Variants in OXER1 observed in about 807,000 individuals in gnomAD.
The protein encoded by OXER1 is 5-oxo-ETE G-protein coupled receptor.
For synonymous variants in OXER1, 258 were observed against 245.8 expected, an observed-to-expected ratio of 1.05 and a Z score of -0.47; for missense variants, 587 against 551.7, an observed-to-expected ratio of 1.06 and a Z score of -0.64.
chr2:42,763,513 G>A lies in OXER1; in HGVS notation c.667C>T (p.Leu223Phe). 1.9e-6 allele frequency: 3 copies of A among 1,552,756 alleles called. No homozygotes were observed. The highest frequency in any genetic ancestry group is 1.7e-6 in the Non-Finnish European group (2 of 1,147,908). The change falls in exon 1 of 1, where the codon CTC (leucine) becomes TTC (phenylalanine). Residue 223 changes from leucine to phenylalanine, a missense_variant. By Grantham distance (22) the Leu-to-Phe change is conservative (BLOSUM62 0). Coordinates refer to ENST00000378661, the Ensembl canonical transcript of OXER1. The surrounding 1 kb of genome is among the most constrained non-coding windows in gnomAD (Gnocchi z 4.4). Reference sequence around the variant, plus strand: ...GTGCTCAGGAGCAGGTGCCCGTTGAGGAGCAGGATGCCCACCCAGAGTCCC... The same window carrying A: ...GTGCTCAGGAGCAGGTGCCCGTTGAAGAGCAGGATGCCCACCCAGAGTCCC...
chr2:42,763,470 C>T lies in OXER1; in HGVS notation c.710G>A (p.Cys237Tyr), dbSNP rs1305865354. Residue 237 changes from cysteine to tyrosine, a missense_variant, in exon 1 of 1, where the codon TGC (cysteine) becomes TAC (tyrosine). By Grantham distance (194) the Cys-to-Tyr change is radical. Coordinates refer to ENST00000378661, the Ensembl canonical transcript of OXER1. This position sits in a 1 kb window ranked among gnomAD's most constrained non-coding sequence, Gnocchi z 4.4. ...CTTCGTGCCCACCCTGTAGCTGAGGCAGGAGGGGCCGGAGAAGGTGCTCAG... is the reference window on the plus strand; with the variant it reads ...CTTCGTGCCCACCCTGTAGCTGAGGTAGGAGGGGCCGGAGAAGGTGCTCAG... 1 of 1,559,702 alleles carries T rather than the reference C, an allele frequency of 6.4e-7. No homozygotes were observed. The highest frequency in any genetic ancestry group is 8.7e-7 in the Non-Finnish European group (1 of 1,152,034).
rs1670530647 is a variant in OXER1, at chr2:42,763,421, G to C, written c.759C>G (p.His253Gln). 4 of 1,587,060 alleles carry C rather than the reference G, an allele frequency of 2.5e-6. No homozygotes were observed. The highest frequency in any genetic ancestry group is 1.1e-5 in the South Asian group (1 of 88,020). ...AGAACTCCAGCAGGTACAGTGCCTGGTGCCAGCGGAGCGAGGCCGAGGGCT... is the reference window on the plus strand; with the variant it reads ...AGAACTCCAGCAGGTACAGTGCCTGCTGCCAGCGGAGCGAGGCCGAGGGCT... The change falls in exon 1 of 1, where the codon CAC becomes CAG. Residue 253 changes from histidine (H) to glutamine (Q), a missense_variant. His to Gln is a conservative substitution (Grantham distance 24). Transcript: ENST00000378661. The surrounding 1 kb of genome is among the most constrained non-coding windows in gnomAD (Gnocchi z 4.4).
rs370219570 is a variant in OXER1 at position 42,763,993 on chromosome 2, G to A, written c.187C>T (p.Pro63Ser). Residue 63 changes from proline (P) to serine (S), a missense_variant, in exon 1 of 1, where the codon CCC becomes TCC. Coordinates refer to ENST00000378661, the Ensembl canonical transcript of OXER1. The surrounding 1 kb of genome is among the most constrained non-coding windows in gnomAD (Gnocchi z 4.4). ...GCAGAGGGAGCAGAGGAGGGTGAGG[G>A]AGAGAAGGAGGGAGGGAGAACAGAG... 1 of 1,613,688 alleles carries A rather than the reference G, an allele frequency of 6.2e-7. No homozygotes were observed. Among genetic ancestry groups the A allele is most frequent in the Non-Finnish European group, 8.5e-7 (1 of 1,179,936 alleles).
In OXER1 at chr2:42,762,973, C is replaced by T. The variant is rs575064937; in HGVS notation, c.1207G>A (p.Ala403Thr). 16 of 1,613,812 alleles carry T rather than the reference C, an allele frequency of 9.9e-6. 1 individual carries two copies. In the East Asian group the frequency reaches 3.6e-4, roughly 36 times the overall value. ...CCCTGCACTTTCAGCTTCCCTATGG[C>T]CTCCGCCTTCCTAGAGGCCTCCCGG... Residue 403 changes from alanine (A) to threonine (T), a missense_variant, in exon 1 of 1, where the codon GCC becomes ACC. Ala to Thr is a moderately conservative substitution (Grantham distance 58). Coordinates refer to ENST00000378661, the Ensembl canonical transcript of OXER1.
At position 42,763,049 on chromosome 2, in the gene OXER1, C is replaced by A. The variant is rs199600588; in HGVS notation, c.1131G>T (p.Gln377His). 1.2e-6 allele frequency: 2 copies of A among 1,613,990 alleles called. No individual in the cohort carries two copies. Among genetic ancestry groups the A allele is most frequent in the Non-Finnish European group, 1.7e-6 (2 of 1,180,036 alleles). ...AGGAGCTCTCGTCGCTCACTGGGCC[C>A]TGCCGGCCCCGCGTGAGGCCCAGCA... Residue 377 changes from glutamine to histidine, a missense_variant, in exon 1 of 1, where the codon CAG becomes CAT. By Grantham distance (24) the Gln-to-His change is conservative. Coordinates refer to ENST00000378661, the Ensembl canonical transcript of OXER1. The surrounding 1 kb of genome is among the most constrained non-coding windows in gnomAD (Gnocchi z 4.4).
In OXER1 at chr2:42,763,698, C is replaced by T. The variant is rs1156893886; in HGVS notation, c.482G>A (p.Gly161Glu). Residue 161 changes from glycine to glutamate, a missense_variant, in exon 1 of 1, where the codon GGG becomes GAG. Physicochemically the swap from Gly to Glu is moderately conservative, Grantham distance 98 (BLOSUM62 -2). Coordinates refer to ENST00000378661, the Ensembl canonical transcript of OXER1. This position sits in a 1 kb window ranked among gnomAD's most constrained non-coding sequence, Gnocchi z 4.4. ...GAGGTTGACTTTGCAGGCAGCAGCC[C>T]CAAAGCGCCAGGTCTCATGGAGGAG... 2 of 1,613,954 alleles carry T rather than the reference C, an allele frequency of 1.2e-6. No homozygotes were observed. Among genetic ancestry groups the T allele is most frequent in the Non-Finnish European group, 1.7e-6 (2 of 1,180,028 alleles).
Position 42,763,138 on chromosome 2 carries a change from T to C in OXER1, c.1042A>G (p.Ser348Gly), listed in dbSNP as rs1670516716. The C allele has an allele frequency of 1.9e-6, 3 of 1,613,882 alleles. No homozygotes were observed. Among genetic ancestry groups the C allele is most frequent in the African/African-American group, 2.7e-5 (2 of 74,874 alleles). ...CAGTAGAGCACGGGGTCCAGGACAC[T>C]GTTGAGGTAGGTGAAGGCCAGGGAG... The change falls in exon 1 of 1, where the codon AGT (serine) becomes GGT (glycine). Residue 348 changes from serine to glycine, a missense_variant. Ser to Gly is a moderately conservative substitution (Grantham distance 56). Coordinates refer to ENST00000378661, the Ensembl canonical transcript of OXER1. The surrounding 1 kb of genome is among the most constrained non-coding windows in gnomAD (Gnocchi z 4.4).
rs772121715 is a variant in OXER1 at position 42,763,031 on chromosome 2, C to G, written c.1149G>C (p.Glu383Asp). Residue 383 changes from glutamate (E) to aspartate (D), a missense_variant, in exon 1 of 1, where the codon GAG (glutamate) becomes GAC (aspartate). Coordinates refer to ENST00000378661, the Ensembl canonical transcript of OXER1. This position sits in a 1 kb window ranked among gnomAD's most constrained non-coding sequence, Gnocchi z 4.4. ...ACTGCCTGGAGGGTTGGTAGGAGCTCTCGTCGCTCACTGGGCCCTGCCGGC... is the reference window on the plus strand; with the variant it reads ...ACTGCCTGGAGGGTTGGTAGGAGCTGTCGTCGCTCACTGGGCCCTGCCGGC... 27 of 1,613,972 alleles carry G rather than the reference C, an allele frequency of 1.7e-5. No individual in the cohort carries two copies. Among genetic ancestry groups the G allele is most frequent in the Admixed American group, 3.3e-5 (2 of 60,010 alleles).
Position 42,763,742 on chromosome 2 carries a change from G to A in OXER1, c.438C>T (p.Pro146=). 1 of 1,614,110 alleles carries A rather than the reference G, an allele frequency of 6.2e-7. No individual in the cohort carries two copies. Among genetic ancestry groups the A allele is most frequent in the Non-Finnish European group, 8.5e-7 (1 of 1,180,028 alleles). The stretch of plus-strand genomic sequence containing the variant: ...GGAGGAGGTAGTAGTCCACGCGGAG[G>A]GGCAGGTTGCTGATCAGGAGGAAGT... The change falls in exon 1 of 1, where the codon CCC becomes CCT. Residue 146 remains proline (P), a synonymous_variant. Coordinates refer to ENST00000378661, the Ensembl canonical transcript of OXER1. The surrounding 1 kb of genome is among the most constrained non-coding windows in gnomAD (Gnocchi z 4.4).
At chr2:42,762,771 G>T in exon 1 of OXER1, 1 of 1,006,278 alleles carries the variant, frequency 9.9e-7, no homozygotes, top group African/African-American at 1.6e-5. Context: ...CCTGAGTCCT[G>T]CCAGTGCTTT....
chr2:42,763,015 A>G lies in OXER1; in HGVS notation c.1165T>C (p.Ser389Pro). The G allele has an allele frequency of 6.2e-7, 1 of 1,613,778 alleles. No homozygotes were observed. Among genetic ancestry groups the G allele is most frequent in the Non-Finnish European group, 8.5e-7 (1 of 1,179,986 alleles). Reference sequence around the variant, plus strand: ...GCCTCCCGGTAGCGCCACTGCCTGGAGGGTTGGTAGGAGCTCTCGTCGCTC... The same window carrying G: ...GCCTCCCGGTAGCGCCACTGCCTGGGGGGTTGGTAGGAGCTCTCGTCGCTC... Residue 389 changes from serine to proline, a missense_variant, in exon 1 of 1, where the codon TCC becomes CCC. By Grantham distance (74) the Ser-to-Pro change is moderately conservative (BLOSUM62 -1). Transcript: ENST00000378661. This position sits in a 1 kb window ranked among gnomAD's most constrained non-coding sequence, Gnocchi z 4.4.
Position 42,763,523 on chromosome 2 carries a change from G to A in OXER1, c.657C>T (p.Gly219=), listed in dbSNP as rs1467487739. The A allele has an allele frequency of 7.7e-6, 12 of 1,555,760 alleles. No homozygotes were observed. The highest frequency in any genetic ancestry group is 5.8e-5 in the Admixed American group (3 of 51,352). Residue 219 remains glycine, a synonymous_variant, in exon 1 of 1, where the codon GGC becomes GGT. Coordinates refer to ENST00000378661, the Ensembl canonical transcript of OXER1. This position sits in a 1 kb window ranked among gnomAD's most constrained non-coding sequence, Gnocchi z 4.4. ...GCAGGTGCCCGTTGAGGAGCAGGAT[G>A]CCCACCCAGAGTCCCCCGGCCACCC...
In OXER1 at chr2:42,762,864, C is replaced by T. The variant is rs368188901; in HGVS notation, c.*44G>A. ...GGCCTTGTCCCTCCAGGCCAGAGCG[C>T]GGCAGCCCTTACCCCCACAGCGCTG... On this transcript the variant is annotated 3_prime_UTR_variant, in exon 1 of 1. Coordinates refer to ENST00000378661, the Ensembl canonical transcript of OXER1. The T allele has an allele frequency of 8.2e-5, 128 of 1,560,584 alleles. 1 individual carries two copies. The highest frequency in any genetic ancestry group is 3.4e-4 in the Middle Eastern group (2 of 5,822).
exon 1 of OXER1, chr2:42,764,004 G>A (rs1205390448): frequency 1.2e-6 from 2 of 1,613,598 alleles, no homozygotes; most frequent in Non-Finnish European, 1.7e-6. Context: ...AGAGAAGGAG[G>A]GAGGGAGAAC....
exon 1 of OXER1, chr2:42,762,710 C>G (rs1046828651): frequency 3.4e-6 from 2 of 594,876 alleles, no homozygotes; most frequent in South Asian, 2.3e-5. Context: ...TCTGGGAATG[C>G]CATCCTGGAC....
At chr2:42,762,891 A>C (rs763004929) in exon 1 of OXER1, 1 of 1,601,400 alleles carries the variant, frequency 6.2e-7, no homozygotes, top group South Asian at 1.1e-5. Flanking sequence ...ACAGCGCTGC[A>C]GCCCTGCAGC....
At chr2:42,763,035 TC>T in the OXER1 span, 13 of 1,614,074 alleles carry the variant, frequency 8.1e-6, no homozygotes, top group Non-Finnish European at 1.1e-5. The surrounding 1 kb of genome is among the most constrained non-coding windows in gnomAD (Gnocchi z 4.4). Context: ...GGAGCTCTCG[TC>T]GCTCACTGGG....
Position 42,763,442 on chromosome 2 carries a change from G to A in OXER1, c.738C>T (p.Pro246=). 6.4e-7 allele frequency: 1 copy of A among 1,570,204 alleles called. No individual in the cohort carries two copies. Reference sequence around the variant, plus strand: ...CCTGGTGCCAGCGGAGCGAGGCCGAGGGCTTCGTGCCCACCCTGTAGCTGA... The same window carrying A: ...CCTGGTGCCAGCGGAGCGAGGCCGAAGGCTTCGTGCCCACCCTGTAGCTGA... Residue 246 remains proline (P), a synonymous_variant, in exon 1 of 1, where the codon CCC becomes CCT. Coordinates refer to ENST00000378661, the Ensembl canonical transcript of OXER1. The surrounding 1 kb of genome is among the most constrained non-coding windows in gnomAD (Gnocchi z 4.4).
At position 42,762,978 on chromosome 2, in the gene OXER1, G is replaced by A. The variant is rs373771713; in HGVS notation, c.1202C>T (p.Ala401Val). 22 of 1,613,720 alleles carry A rather than the reference G, an allele frequency of 1.4e-5. No homozygotes were observed. Among genetic ancestry groups the A allele is most frequent in the Admixed American group, 3.3e-5 (2 of 60,000 alleles). Residue 401 changes from alanine (A) to valine (V), a missense_variant, in exon 1 of 1, where the codon GCG becomes GTG. By Grantham distance (64) the Ala-to-Val change is moderately conservative (BLOSUM62 0). Transcript: ENST00000378661. ...CACTTTCAGCTTCCCTATGGCCTCCGCCTTCCTAGAGGCCTCCCGGTAGCG... is the reference window on the plus strand; with the variant it reads ...CACTTTCAGCTTCCCTATGGCCTCCACCTTCCTAGAGGCCTCCCGGTAGCG...
Sources: gnomAD v4.1 joint callset for allele counts on GRCh38, gnomAD v4.1.1 for gene constraint, Gnocchi (gnomAD v3.1) non-coding constraint, MANE v1.5 for transcripts, NCBI Gene and HGNC (gene_info 2026-07-23, HGNC 2026-07-21) for gene names.